The following LHCGR variants were observed in gnomAD, a reference collection of about 807,000 sequenced individuals.
The protein encoded by LHCGR is luteinizing hormone/choriogonadotropin receptor, also known as lutropin-choriogonadotropic hormone receptor.
In LHCGR, 55 loss-of-function variants were observed where a neutral mutation model predicts 60.7. The observed-to-expected ratio is 0.91, with a 90% CI of 0.73 to 1.13. The LOEUF (loss-of-function observed/expected upper bound fraction) is 1.13, where lower values mean the gene tolerates loss of function less well. LHCGR is among the 50% of genes most tolerant of loss of function. The pLI is 0.00. For synonymous variants in LHCGR, 337 were observed against 316.5 expected (o/e 1.06, Z -0.69); for missense variants, 862 against 836.0 (o/e 1.03, Z -0.38).
chr2:48,728,217 C>T (rs1229090882), intron 3 of LHCGR, among the ~76,000 whole-genome samples: 1 of 152,080 alleles, frequency 6.6e-6, no homozygotes, highest in Non-Finnish European at 1.5e-5. Context: ...TGAAGTGTCA[C>T]ATCGGTCAAG....
At chr2:48,699,329 C>T (rs1667289617) in intron 8 of LHCGR, among the ~76,000 whole-genome samples, 1 of 152,140 alleles carries the variant, frequency 6.6e-6, no homozygotes, top group Non-Finnish European at 1.5e-5. Flanking sequence ...TAACTCCTTG[C>T]ACCTACCATA....
rs377665383 is a variant in LHCGR at position 48,688,045 on chromosome 2, A to G, written c.1752T>C (p.Pro584=). 26 of 1,614,042 alleles carry G rather than the reference A, an allele frequency of 1.6e-5. No homozygotes were observed. The highest frequency in any genetic ancestry group is 2.1e-5 in the Non-Finnish European group (25 of 1,179,990). The part of the protein sequence containing the change: ...LIFTDFTCMA[P]ISFFAISAAF... The stretch of plus-strand genomic sequence containing the variant: ...CAGCTGAGATGGCAAAAAAAGAGAT[A>G]GGTGCCATGCAGGTGAAATCGGTGA... Residue 584 remains proline, a synonymous_variant, in exon 11 of 11, where the codon CCT becomes CCC. Coordinates refer to ENST00000294954, the MANE Select transcript of LHCGR (RefSeq NM_000233.4). This position sits in a 1 kb window ranked among gnomAD's most constrained non-coding sequence, Gnocchi z 5.2.
At chr2:48,740,893 G>A (rs1055383346) in intron 1 of LHCGR, among the ~76,000 whole-genome samples, 8 of 152,248 alleles carry the variant, frequency 5.3e-5, no homozygotes, top group East Asian at 1.9e-4. Flanking sequence ...AAATTACTCC[G>A]AGCTACGGGA....
chr2:48,747,091 C>CATT (rs1669743515), intron 1 of LHCGR, among the ~76,000 whole-genome samples: 1 of 148,802 alleles, frequency 6.7e-6, no homozygotes, highest in Non-Finnish European at 1.5e-5. Context: ...TTTTCTTTTA[C>CATT]TTTTTTTTTT....
chr2:48,730,511 G>T (rs777557670), intron 2 of LHCGR, among the ~76,000 whole-genome samples: 1 of 152,184 alleles, frequency 6.6e-6, no homozygotes, highest in African/African-American at 2.4e-5. Flanking sequence ...CTTCTTTAGA[G>T]ATGCAAATCT....
intron 1 of LHCGR, among the ~76,000 whole-genome samples, chr2:48,745,362 C>G (rs1420453220): frequency 1.3e-5 from 2 of 152,026 alleles, no homozygotes; most frequent in African/African-American, 4.8e-5. Context: ...ACCCAAAGGA[C>G]TATAAATCAT....
chr2:48,752,662 CT>C (rs1207539982), intron 1 of LHCGR, among the ~76,000 whole-genome samples: 1 of 151,776 alleles, frequency 6.6e-6, no homozygotes, highest in Non-Finnish European at 1.5e-5. Context: ...TTTTCCTGTC[CT>C]TTGTCTTAAT....
chr2:48,693,951 CT>C (rs1413488270), intron 10 of LHCGR, among the ~76,000 whole-genome samples: 1 of 152,122 alleles, frequency 6.6e-6, no homozygotes, highest in African/African-American at 2.4e-5. Context: ...ATCAACATAC[CT>C]GCAAAATTTT....
chr2:48,733,053 T>A, intron 1 of LHCGR: 2 of 506,208 alleles, frequency 4.0e-6, no homozygotes, highest in Non-Finnish European at 8.2e-6. Flanking sequence ...AAAACACAGT[T>A]TTATTGCTCT....
intron 7 of LHCGR, among the ~76,000 whole-genome samples, chr2:48,713,163 T>C (rs894409828): frequency 1.1e-4 from 16 of 152,332 alleles, no homozygotes; most frequent in African/African-American, 3.6e-4. Flanking sequence ...AGATTCTTCG[T>C]AGGTGTGTAA....
chr2:48,726,242 C>T (rs1668721853), intron 3 of LHCGR, among the ~76,000 whole-genome samples: 1 of 152,196 alleles, frequency 6.6e-6, no homozygotes, highest in African/African-American at 2.4e-5. Context: ...TGGCACAGGG[C>T]AAAAGCCAGA....
rs1420453220 is a variant in LHCGR at position 48,745,362 on chromosome 2, C to T, written c.161+10149G>A. Among the ~76,000 whole-genome samples the T allele has an allele frequency of 2.0e-5, 3 of 152,024 alleles. No individual in the cohort carries two copies. The East Asian group carries it at 5.8e-4, about 29-fold the overall frequency. ...CATTACTGGGTATATACCCAAAGGA[C>T]TATAAATCATGCCGCTATAAAGACA... On this transcript the variant is annotated intron_variant, in intron 1 of 10. Coordinates refer to ENST00000294954, the MANE Select transcript of LHCGR (RefSeq NM_000233.4).
In LHCGR at chr2:48,687,755, G is replaced by C; in HGVS notation, c.2042C>G (p.Ser681Cys). The C allele has an allele frequency of 6.2e-7, 1 of 1,614,120 alleles. No individual in the cohort carries two copies. Among genetic ancestry groups the C allele is most frequent in the Non-Finnish European group, 8.5e-7 (1 of 1,180,004 alleles). The change falls in exon 11 of 11, where the codon TCC (serine) becomes TGC (cysteine). Residue 681 changes from serine to cysteine, a missense_variant. Physicochemically the swap from Ser to Cys is moderately radical, Grantham distance 112 (BLOSUM62 -1). Coordinates refer to ENST00000294954, the MANE Select transcript of LHCGR (RefSeq NM_000233.4). ...AGCTGTACCTTGACAGTGCAATGTGGACAACTTCAAGGTGGATTGAGAAGG... is the reference window on the plus strand; with the variant it reads ...AGCTGTACCTTGACAGTGCAATGTGCACAACTTCAAGGTGGATTGAGAAGG... ...NKPSQSTLKL[S>C]TLHCQGTALL...
Position 48,723,706 on chromosome 2 carries a change from G to A in LHCGR, c.384-10C>T. On this transcript the variant is annotated splice_polypyrimidine_tract_variant and intron_variant, in intron 4 of 10. Coordinates refer to ENST00000294954, the MANE Select transcript of LHCGR (RefSeq NM_000233.4). ...TGTGTTACAGATGCTCCTGTGATTA[G>A]GGACAGGATAGTGGTGTGGGCAGAG... The A allele has an allele frequency of 6.3e-7, 1 of 1,599,592 alleles. No individual in the cohort carries two copies. Among genetic ancestry groups the A allele is most frequent in the Non-Finnish European group, 8.6e-7 (1 of 1,166,826 alleles).
In LHCGR at chr2:48,725,720, G is replaced by T; in HGVS notation, c.339C>A (p.Tyr113Ter). The change falls in exon 4 of 11, where the codon TAC becomes TAA. Residue 113 changes from tyrosine to a stop codon, truncating the protein, a stop_gained. Transcript: ENST00000294954. LOFTEE classifies it high-confidence loss of function. Reference sequence around the variant, plus strand: ...GATTTATAAATGCTCCGGGCTCAATGTATCTCAGATTTTTGGTGTTCTGGA... The same window carrying T: ...GATTTATAAATGCTCCGGGCTCAATTTATCTCAGATTTTTGGTGTTCTGGA... ...ILIQNTKNLRYIEPGAFINLP... is the reference protein window; with the variant it reads ...ILIQNTKNLR The T allele has an allele frequency of 6.2e-7, 1 of 1,613,268 alleles. No homozygotes were observed. Among genetic ancestry groups the T allele is most frequent in the East Asian group, 2.2e-5 (1 of 44,872 alleles).
intron 3 of LHCGR, among the ~76,000 whole-genome samples, chr2:48,727,161 C>T (rs1350457067): frequency 1.3e-5 from 2 of 151,826 alleles, no homozygotes; most frequent in African/African-American, 4.8e-5. Flanking sequence ...GGTGTGGTGG[C>T]GTGCATCTGT....
Position 48,687,762 on chromosome 2 carries a change from T to TA in LHCGR, c.2034_2035insT (p.Lys679Ter), listed in dbSNP as rs766072848. The stretch of plus-strand genomic sequence containing the variant: ...CCTTGACAGTGCAATGTGGACAACT[T>TA]CAAGGTGGATTGAGAAGGCTTATTT... On this transcript the variant is annotated frameshift_variant, in exon 11 of 11. Transcript: ENST00000294954. LOFTEE classifies it high-confidence loss of function. 6.2e-7 allele frequency: 1 copy of TA among 1,614,158 alleles called. No homozygotes were observed. The highest frequency in any genetic ancestry group is 1.1e-5 in the South Asian group (1 of 91,088).
chr2:48,738,097 C>G (rs986499195), intron 1 of LHCGR, among the ~76,000 whole-genome samples: 22 of 152,314 alleles, frequency 1.4e-4, no homozygotes, highest in African/African-American at 5.1e-4. Flanking sequence ...CTGAAAAGAG[C>G]CATCAGCTTC....
intron 1 of LHCGR, among the ~76,000 whole-genome samples, chr2:48,742,467 A>C (rs1290348034): frequency 6.6e-6 from 1 of 151,656 alleles, no homozygotes; most frequent in Non-Finnish European, 1.5e-5. Flanking sequence ...GCAAATGTAA[A>C]AGAACAGAAA....
Sources: allele counts gnomAD v4.1 joint callset (sites outside exome capture counted in the v4.1 genomes callset), GRCh38; gene constraint gnomAD v4.1.1; non-coding constraint Gnocchi (gnomAD v3.1); transcripts MANE v1.5; gene names NCBI Gene and HGNC (gene_info 2026-07-23, HGNC 2026-07-21).